PWWP2B: variants seen among roughly 807,000 people sequenced by gnomAD.
The protein encoded by PWWP2B is PWWP domain-containing protein 2B.
In PWWP2B, 9 loss-of-function variants were observed where a neutral mutation model predicts 15.5. The ratio of observed to expected loss-of-function variants is 0.58; its 90% CI spans 0.35 to 1.02. PWWP2B has a LOEUF of 1.02. PWWP2B is among the 50% of genes least tolerant of loss of function. The pLI is 0.02. For missense variants in PWWP2B, 864 were observed against 865.3 expected (o/e 1.00, Z 0.02); for synonymous variants, 474 against 403.6 (o/e 1.17, Z -2.09).
rs577135281 is a variant in PWWP2B, at chr10:132,413,361, A to G, written c.*17-3700A>G. On this transcript the variant is annotated intron_variant, in intron 2 of 2. Transcript: ENST00000305233. The stretch of plus-strand genomic sequence containing the variant: ...GATAGTTTCGGAAGAAAAGGACCCT[A>G]GCACCTCCCACCAAGGAGGGTGCCC... Among the ~76,000 whole-genome samples, 139 of 152,306 alleles carry G rather than the reference A, an allele frequency of 9.1e-4. 1 individual carries two copies. The highest frequency in any genetic ancestry group is 3.2e-3 in the African/African-American group (135 of 41,560).
At chr10:132,403,991 G>GGCA (rs2069645747) in intron 1 of PWWP2B, among the ~76,000 whole-genome samples, 4 of 94,832 alleles carry the variant, frequency 4.2e-5, no homozygotes, top group Admixed American at 4.0e-4. Flanking sequence ...CCCTGCTCCC[G>GGCA]TAGGACGGCA....
rs1488918443 is a variant in PWWP2B at position 132,406,019 on chromosome 10, C to T, written c.1519C>T (p.Arg507Cys). 4 of 1,613,622 alleles carry T rather than the reference C, an allele frequency of 2.5e-6. No individual in the cohort carries two copies. Among genetic ancestry groups the T allele is most frequent in the South Asian group, 1.1e-5 (1 of 91,096 alleles). ...CCATGGTTTTCCTTGGTGGCCGGCG[C>T]GTGTTCTTGACATCAGTCTCGGCCA... Reference protein sequence around the residue: ...KIHGFPWWPARVLDISLGQKE... With the variant: ...KIHGFPWWPACVLDISLGQKE... The change falls in exon 2 of 3, where the codon CGT (arginine) becomes TGT (cysteine). Residue 507 changes from arginine to cysteine, a missense_variant. Arg to Cys is a radical substitution (Grantham distance 180). Around this residue, in one of 2 missense-constraint regions of PWWP2B, gnomAD observed 128 missense variants for 177.6 expected, o/e 0.72. Transcript: ENST00000305233.
At chr10:132,411,934 C>G (rs148717830) in intron 2 of PWWP2B, among the ~76,000 whole-genome samples, 2 of 152,370 alleles carry the variant, frequency 1.3e-5, no homozygotes, top group Admixed American at 6.5e-5. Flanking sequence ...CCCTGCGTTG[C>G]TTTCAGGGAA....
Position 132,405,082 on chromosome 10 carries a change from C to G in PWWP2B, c.582C>G (p.Pro194=), listed in dbSNP as rs752678106. The G allele has an allele frequency of 4.6e-6, 7 of 1,528,746 alleles. No homozygotes were observed. The South Asian group carries it at 7.2e-5, about 16-fold the overall frequency. 94.7% of individuals were successfully genotyped at this position (1,528,746 alleles called of 1,614,324 possible). Residue 194 remains proline, a synonymous_variant, in exon 2 of 3, where the codon CCC becomes CCG. Transcript: ENST00000305233. The part of the protein sequence containing the change: ...TLSPPEASPG[P]PAAPRARRRL... ...GCCCCCCGGAGGCCAGCCCCGGACC[C>G]CCAGCCGCGCCCAGGGCCCGCAGGA...
chr10:132,404,798 G>A lies in PWWP2B; in HGVS notation c.298G>A (p.Glu100Lys), dbSNP rs777735246. The A allele has an allele frequency of 3.2e-5, 28 of 881,722 alleles. No homozygotes were observed. The highest frequency in any genetic ancestry group is 5.6e-5 in the South Asian group (3 of 53,314). The allele number at this position is 881,722 out of a possible 1,614,324, so 54.6% of individuals were successfully genotyped here. Residue 100 changes from glutamate (E) to lysine (K), a missense_variant, in exon 2 of 3, where the codon GAG becomes AAG. Glu to Lys is a moderately conservative substitution (Grantham distance 56). Coordinates refer to ENST00000305233, the MANE Select transcript of PWWP2B (RefSeq NM_138499.4). The part of the protein sequence containing the change: ...GVQPPETTRP[E>K]PPPPLVPPLP... ...TCAGCCCCCCGAGACCACCCGCCCC[G>A]AGCCACCCCCGCCCCTCGTGCCGCC... is the stretch of plus-strand genomic sequence containing the variant.
intron 2 of PWWP2B, among the ~76,000 whole-genome samples, chr10:132,412,263 ACCT>A (rs1385581852): frequency 6.6e-6 from 1 of 152,116 alleles, no homozygotes; most frequent in Non-Finnish European, 1.5e-5. Context: ...CGTTGTGCCC[ACCT>A]CTGGTGAGAT....
In PWWP2B at chr10:132,397,493, C is replaced by T. The variant is rs556687003; in HGVS notation, c.125+142C>T. The T allele has an allele frequency of 8.2e-5, 66 of 803,866 alleles. No homozygotes were observed. The Admixed American group carries it at 3.8e-3, about 46-fold the overall frequency. 49.8% of individuals were successfully genotyped at this position (803,866 alleles called of 1,614,324 possible). On this transcript the variant is annotated intron_variant, in intron 1 of 2. Coordinates refer to ENST00000305233, the MANE Select transcript of PWWP2B (RefSeq NM_138499.4). ...TTCGGTTTCTGCCGAGCCTGAGTTT[C>T]GGGGCGCGCGAGCGCGGCCGCCACT...
intron 1 of PWWP2B, among the ~76,000 whole-genome samples, chr10:132,400,954 C>T (rs2069607186): frequency 2.0e-5 from 3 of 152,332 alleles, no homozygotes; most frequent in Admixed American, 1.3e-4. Flanking sequence ...ATGGGGAAGC[C>T]GTGGGGAGGC....
In PWWP2B at chr10:132,406,043, CAGA is replaced by C. The variant is rs1564875167; in HGVS notation, c.1546_1548del (p.Lys516del). On this transcript the variant is annotated inframe_deletion, in exon 2 of 3. Coordinates refer to ENST00000305233, the MANE Select transcript of PWWP2B (RefSeq NM_138499.4). ...GCGTGTTCTTGACATCAGTCTCGGC[CAGA>C]AGGAGGACGGAGAGCCGTCTTGGCG... is the stretch of plus-strand genomic sequence containing the variant. 1.2e-6 allele frequency: 2 copies of C among 1,613,718 alleles called. No individual in the cohort carries two copies. Among genetic ancestry groups the C allele is most frequent in the Non-Finnish European group, 1.7e-6 (2 of 1,179,920 alleles).
chr10:132,416,581 C>T (rs979571081), intron 2 of PWWP2B, among the ~76,000 whole-genome samples: 3 of 152,154 alleles, frequency 2.0e-5, no homozygotes, highest in African/African-American at 4.8e-5. Context: ...TCTAGCCCTC[C>T]CTTCCCACCC....
intron 2 of PWWP2B, among the ~76,000 whole-genome samples, chr10:132,408,327 A>G (rs1044181134): frequency 2.6e-5 from 4 of 152,208 alleles, no homozygotes; most frequent in African/African-American, 9.6e-5. Flanking sequence ...CTTGAGGGAC[A>G]CGTTTGCTTT....
rs1590755947 is a variant in PWWP2B at position 132,401,335 on chromosome 10, G to T, written c.126-3291G>T. ...GGTTATTTGTTCTGTCCCTGAGCTCGCAAGGATGTCGCGTGAGGCTTATTT... is the reference window on the plus strand; with the variant it reads ...GGTTATTTGTTCTGTCCCTGAGCTCTCAAGGATGTCGCGTGAGGCTTATTT... On this transcript the variant is annotated intron_variant, in intron 1 of 2. Coordinates refer to ENST00000305233, the MANE Select transcript of PWWP2B (RefSeq NM_138499.4). Among the ~76,000 whole-genome samples, 3 of 152,192 alleles carry T rather than the reference G, an allele frequency of 2.0e-5. No homozygotes were observed. In the East Asian group the frequency reaches 5.8e-4, roughly 29 times the overall value.
chr10:132,400,207 G>A (rs1157224104), intron 1 of PWWP2B, among the ~76,000 whole-genome samples: 1 of 152,190 alleles, frequency 6.6e-6, no homozygotes, highest in Non-Finnish European at 1.5e-5. Flanking sequence ...TGCCCTTGGG[G>A]AGTGAGAGGG....
In PWWP2B at chr10:132,404,791, C is replaced by T. The variant is rs1256011957; in HGVS notation, c.291C>T (p.Thr97=). The T allele has an allele frequency of 3.3e-6, 5 of 1,500,506 alleles. No individual in the cohort carries two copies. The African/African-American group carries it at 4.1e-5, about 12-fold the overall frequency. 92.9% of individuals were successfully genotyped at this position (1,500,506 alleles called of 1,614,324 possible). ...PARGVQPPET[T]RPEPPPPLVP... is the part of the protein sequence containing the mutation. ...GCGGGGTTCAGCCCCCCGAGACCAC[C>T]CGCCCCGAGCCACCCCCGCCCCTCG... Residue 97 remains threonine, a synonymous_variant, in exon 2 of 3, where the codon ACC becomes ACT. Coordinates refer to ENST00000305233, the MANE Select transcript of PWWP2B (RefSeq NM_138499.4).
At position 132,397,212 on chromosome 10, in the gene PWWP2B, G is replaced by C. The variant is rs758762095; in HGVS notation, c.-15G>C. ...GCGGCGGCGGGGCGGGGGCGGCCTG[G>C]GACGCGGCGGGAGCATGGAGCCGCG... On this transcript the variant is annotated 5_prime_UTR_variant, in exon 1 of 3. Transcript: ENST00000305233. 324 of 1,084,238 alleles carry C rather than the reference G, an allele frequency of 3.0e-4. 1 individual carries two copies. In the African/African-American group the frequency reaches 5.3e-3, roughly 18 times the overall value. The allele number at this position is 1,084,238 out of a possible 1,614,324, so 67.2% of individuals were successfully genotyped here. A position where few individuals can be genotyped will look rare whatever the true frequency, so the allele number is the denominator to read the frequency against.
chr10:132,405,176 G>C lies in PWWP2B; in HGVS notation c.676G>C (p.Ala226Pro). The C allele has an allele frequency of 6.4e-7, 1 of 1,556,110 alleles. No individual in the cohort carries two copies. The highest frequency in any genetic ancestry group is 8.7e-7 in the Non-Finnish European group (1 of 1,150,838). Residue 226 changes from alanine (A) to proline (P), a missense_variant, in exon 2 of 3, where the codon GCG (alanine) becomes CCG (proline). Ala to Pro is a conservative substitution (Grantham distance 27). Around this residue, in one of 2 missense-constraint regions of PWWP2B, gnomAD observed 736 missense variants for 687.7 expected, o/e 1.07. Coordinates refer to ENST00000305233, the MANE Select transcript of PWWP2B (RefSeq NM_138499.4). ...EEPENGEPTA[A>P]ATARRSKRER... Reference sequence around the variant, plus strand: ...GCCGGAGAACGGCGAGCCCACGGCTGCGGCCACCGCCAGGAGGAGCAAGAG... The same window carrying C: ...GCCGGAGAACGGCGAGCCCACGGCTCCGGCCACCGCCAGGAGGAGCAAGAG...
At chr10:132,412,569 G>C (rs1029804331) in intron 2 of PWWP2B, among the ~76,000 whole-genome samples, 2 of 152,210 alleles carry the variant, frequency 1.3e-5, no homozygotes, top group Admixed American at 1.3e-4. Context: ...ATCCGTTCCC[G>C]ATCAAGTTCA....
At chr10:132,397,462 C>G in intron 1 of PWWP2B, 111 bp downstream of exon 1, 1 of 1,084,566 alleles carries the variant, frequency 9.2e-7, no homozygotes, top group Non-Finnish European at 1.1e-6. Flanking sequence ...GGCCCCGGCG[C>G]CCGCTTTCGG....
Position 132,405,225 on chromosome 10 carries a change from C to T in PWWP2B, c.725C>T (p.Ala242Val), listed in dbSNP as rs965289685. 1.2e-6 allele frequency: 2 copies of T among 1,600,580 alleles called. No homozygotes were observed. Among genetic ancestry groups the T allele is most frequent in the Non-Finnish European group, 1.7e-6 (2 of 1,174,962 alleles). The change falls in exon 2 of 3, where the codon GCC becomes GTC. Residue 242 changes from alanine (A) to valine (V), a missense_variant. Physicochemically the swap from Ala to Val is moderately conservative, Grantham distance 64. Transcript: ENST00000305233. Reference protein sequence around the residue: ...SKRERREEDRAPAEQVPRSPV... With the variant: ...SKRERREEDRVPAEQVPRSPV... ...AGGGAGAGGCGCGAGGAGGACAGGGCCCCGGCAGAGCAGGTCCCGCGGAGC... is the reference window on the plus strand; with the variant it reads ...AGGGAGAGGCGCGAGGAGGACAGGGTCCCGGCAGAGCAGGTCCCGCGGAGC...
Sources: gnomAD v4.1 joint callset for allele counts (sites outside exome capture counted in the v4.1 genomes callset) on GRCh38, gnomAD v4.1.1 for gene constraint, gnomAD v4.1.1 regional missense constraint, MANE v1.5 for transcripts, NCBI Gene and HGNC (gene_info 2026-07-23, HGNC 2026-07-21) for gene names.